CEP76: variants seen among roughly 807,000 people sequenced by gnomAD.
CEP76 encodes the protein centrosomal protein of 76 kDa.
A neutral mutation model predicts 83.3 loss-of-function variants in CEP76; 55 were observed. The observed-to-expected ratio is 0.66, with a 90% confidence interval of 0.53 to 0.83. CEP76 has a LOEUF of 0.83. Ranked by LOEUF, CEP76 falls within the 40% of genes least tolerant of loss-of-function variation. CEP76 has a pLI of 0.00. For missense variants in CEP76, 694 were observed against 799.5 expected (o/e 0.87, Z 1.59); for synonymous variants, 270 against 274.5 (o/e 0.98, Z 0.16).
intron 7 of CEP76, 28 bp downstream of exon 7, chr18:12,691,331 T>G (rs773917956): frequency 3.4e-6 from 5 of 1,461,490 alleles, no homozygotes; most frequent in Middle Eastern, 1.8e-4. Context: ...AATACAGGCA[T>G]AAAATTATTC....
At chr18:12,683,551 G>A (rs2039427806) in intron 8 of CEP76, among the ~76,000 whole-genome samples, 1 of 151,946 alleles carries the variant, frequency 6.6e-6, no homozygotes, top group Non-Finnish European at 1.5e-5. Flanking sequence ...AGGAGTTCGA[G>A]ACCAGCCTAG....
chr18:12,702,683 G>A lies in CEP76; in HGVS notation c.-135C>T, dbSNP rs1260662894. The A allele has an allele frequency of 6.2e-6, 6 of 963,190 alleles. No homozygotes were observed. Among genetic ancestry groups the A allele is most frequent in the Admixed American group, 3.0e-5 (1 of 32,958 alleles). 59.7% of individuals were successfully genotyped at this position (963,190 alleles called of 1,614,324 possible). ...GCCGTTCGCCTAGCGCAGCTCCCGG[G>A]GGACGCAACGCCGCGTCAGGCCGGG... On this transcript the variant is annotated 5_prime_UTR_variant, in exon 1 of 12. Transcript: ENST00000262127.
rs1230224495 is a variant in CEP76 at position 12,674,581 on chromosome 18, T to G, written c.1796A>C (p.His599Pro). The change falls in exon 11 of 12, where the codon CAT becomes CCT. Residue 599 changes from histidine to proline, a missense_variant. Transcript: ENST00000262127. ...DGHTFKGFPI[H>P]FVYRNARRAF... ...ACGTCTTGCATTTCTATACACAAAA[T>G]GTATTGGGAACCCTTTAAATGTGTG... The G allele has an allele frequency of 6.2e-7, 1 of 1,614,072 alleles. No homozygotes were observed. Among genetic ancestry groups the G allele is most frequent in the African/African-American group, 1.3e-5 (1 of 75,030 alleles).
chr18:12,670,069 C>G (rs1040184542), downstream of CEP76, among the ~76,000 whole-genome samples: 3 of 151,828 alleles, frequency 2.0e-5, no homozygotes, highest in Admixed American at 6.6e-5. Context: ...ATGGTCCATG[C>G]CTGTAATCCC....
intron 6 of CEP76, among the ~76,000 whole-genome samples, chr18:12,692,685 G>A (rs1030998272): frequency 2.0e-5 from 3 of 152,114 alleles, no homozygotes; most frequent in African/African-American, 7.2e-5. Flanking sequence ...CTGACTTATT[G>A]TTTCTCCTGC....
chr18:12,701,176 G>A (rs995396356), intron 1 of CEP76, 63 bp from the exon 2 acceptor site: 3 of 1,250,520 alleles, frequency 2.4e-6, no homozygotes, highest in Admixed American at 2.1e-5. Flanking sequence ...TGCTTCTGAA[G>A]TTTTAAGGTT....
At chr18:12,700,834 TA>T (rs753558633) in intron 2 of CEP76, 123 bp downstream of exon 2, 5 of 664,192 alleles carry the variant, frequency 7.5e-6, no homozygotes, top group Non-Finnish European at 1.0e-5. Context: ...AGGACACTAG[TA>T]AACAGAATGA....
chr18:12,678,319 G>A lies in CEP76; in HGVS notation c.1413C>T (p.Pro471=). The A allele has an allele frequency of 6.2e-7, 1 of 1,614,138 alleles. No individual in the cohort carries two copies. Among genetic ancestry groups the A allele is most frequent in the Non-Finnish European group, 8.5e-7 (1 of 1,180,032 alleles). ...NHQMFLGNCQ[P]SDAVETCVFD... ...ATACACAGGTTTCTACTGCATCAGA[G>A]GGTTGACAATTTCCCAGGAACATCT... The change falls in exon 10 of 12, where the codon CCC becomes CCT. Residue 471 remains proline (P), a synonymous_variant. Transcript: ENST00000262127.
At chr18:12,676,175 G>A (rs111239642) in intron 10 of CEP76, among the ~76,000 whole-genome samples, 2,728 of 151,818 alleles carry the variant, frequency 0.018, 92 homozygotes, top group African/African-American at 0.062. Flanking sequence ...CTTTTCCTGC[G>A]GCAAAATGTG....
intron 6 of CEP76, among the ~76,000 whole-genome samples, chr18:12,694,720 T>C (rs560080997): frequency 1.0e-4 from 15 of 150,112 alleles, no homozygotes; most frequent in African/African-American, 3.6e-4. Context: ...TTTTTTTTTT[T>C]TCTTTTTTTG....
chr18:12,690,367 A>G (rs563516118), intron 7 of CEP76, among the ~76,000 whole-genome samples: 8 of 152,348 alleles, frequency 5.3e-5, no homozygotes, highest in Admixed American at 2.6e-4. Flanking sequence ...CTATACTTAT[A>G]TGAAAGCATC....
intron 10 of CEP76, among the ~76,000 whole-genome samples, chr18:12,676,859 A>C (rs2144993791): frequency 6.6e-6 from 1 of 152,326 alleles, no homozygotes; most frequent in Non-Finnish European, 1.5e-5. Context: ...CATGTTTGAT[A>C]AATCAGTTTG....
intron 1 of CEP76, among the ~76,000 whole-genome samples, chr18:12,702,264 C>G (rs926395427): frequency 1.3e-5 from 2 of 152,250 alleles, no homozygotes; most frequent in African/African-American, 2.4e-5. Flanking sequence ...CTCGTTCTAT[C>G]GCCCCAGACT....
Position 12,672,672 on chromosome 18 carries a change from G to C in CEP76, c.*693C>G. The C allele has an allele frequency of 1.0e-6, 1 of 980,022 alleles. No homozygotes were observed. Among genetic ancestry groups the C allele is most frequent in the Non-Finnish European group, 1.2e-6 (1 of 825,054 alleles). The allele number at this position is 980,022 out of a possible 1,614,324, so 60.7% of individuals were successfully genotyped here. A position where few individuals can be genotyped will look rare whatever the true frequency, so the allele number is the denominator to read the frequency against. ...CAATTTATCAGTATCATAACAAAGA[G>C]GTATAATAAAGTTTTTCTAAAATAC... On this transcript the variant is annotated 3_prime_UTR_variant, in exon 12 of 12. Transcript: ENST00000262127.
At chr18:12,696,898 T>C (rs2039976392) in intron 5 of CEP76, among the ~76,000 whole-genome samples, 3 of 152,190 alleles carry the variant, frequency 2.0e-5, no homozygotes, top group Non-Finnish European at 2.9e-5. Context: ...TAAGTTTGTA[T>C]GTGTGTCAAG....
downstream of CEP76, among the ~76,000 whole-genome samples, chr18:12,671,908 C>T (rs2038957412): frequency 6.6e-6 from 1 of 152,240 alleles, no homozygotes; most frequent in Middle Eastern, 3.4e-3. Context: ...ACAACCTCCG[C>T]CTCCCAGGTT....
At chr18:12,701,576 T>C (rs1430908805) in intron 1 of CEP76, among the ~76,000 whole-genome samples, 1 of 151,980 alleles carries the variant, frequency 6.6e-6, no homozygotes, top group Non-Finnish European at 1.5e-5. Flanking sequence ...CTCACGATAG[T>C]GTTGTGAGGA....
At chr18:12,662,961 C>T (rs1213662206) in intron 12 of CEP76, among the ~76,000 whole-genome samples, 6 of 152,080 alleles carry the variant, frequency 3.9e-5, no homozygotes, top group Non-Finnish European at 7.4e-5. Flanking sequence ...AAATGTATGA[C>T]GTTCTGATCT....
intron 8 of CEP76, chr18:12,685,056 A>T (rs2039492963): frequency 6.6e-6 from 1 of 150,622 alleles, no homozygotes; most frequent in African/African-American, 2.5e-5. Context: ...GCTGGAGTGC[A>T]ATGGCGCGAT....
Sources: gnomAD v4.1 joint callset for allele counts (sites outside exome capture counted in the v4.1 genomes callset) on GRCh38, gnomAD v4.1.1 for gene constraint, MANE v1.5 for transcripts, NCBI Gene and HGNC (gene_info 2026-07-23, HGNC 2026-07-21) for gene names.